Variants in LYRM4 observed in about 807,000 individuals in gnomAD.
The protein encoded by LYRM4 is LYR motif containing 4.
LYRM4 carries 9 observed loss-of-function variants against 11.7 expected under a neutral mutation model. The observed-to-expected ratio is 0.77, with a 90% CI of 0.46 to 1.34. The LOEUF is 1.34. LYRM4 is among the 40% of genes most tolerant of loss of function. LYRM4 has a pLI of 0.00. For missense variants in LYRM4, 133 were observed against 112.5 expected, an observed-to-expected ratio of 1.18 and a Z score of -0.82; for synonymous variants, 42 against 40.4, an observed-to-expected ratio of 1.04 and a Z score of -0.15.
the LYRM4 span, among the ~76,000 whole-genome samples, chr6:5,053,040 A>G: frequency 6.6e-6 from 1 of 152,252 alleles, no homozygotes; most frequent in Non-Finnish European, 1.5e-5. Context: ...TGTATAATAG[A>G]AAGAAAGGCA....
At chr6:5,097,247 A>G in the LYRM4 span, among the ~76,000 whole-genome samples, 2,184 of 151,730 alleles carry the variant, frequency 0.014, 57 homozygotes, top group African/African-American at 0.051. Flanking sequence ...TTAGAAAGCC[A>G]ACAGTCTAAT....
intron 1 of LYRM4, among the ~76,000 whole-genome samples, chr6:5,229,864 A>T (rs924635714): frequency 1.3e-5 from 2 of 152,228 alleles, no homozygotes; most frequent in Non-Finnish European, 2.9e-5. Context: ...CAGTCTCTAG[A>T]GGAAAAGTTT....
In LYRM4 at chr6:5,109,524, C is replaced by T. The variant is rs143735114; in HGVS notation, c.208-33G>A. The T allele has an allele frequency of 1.5e-5, 24 of 1,599,080 alleles. No individual in the cohort carries two copies. The East Asian group carries it at 1.8e-4, about 12-fold the overall frequency. On this transcript the variant is annotated intron_variant, in intron 2 of 2. Transcript: ENST00000330636. ...CAAAGAAAGGACACAGGTCAGGAAC[C>T]GTGGCCCTCTAGCCCCTGGGAAAGG...
At chr6:5,037,781 A>C in the LYRM4 span, among the ~76,000 whole-genome samples, 1 of 47,534 alleles carries the variant, frequency 2.1e-5, no homozygotes, top group African/African-American at 5.6e-5. Flanking sequence ...GGCGCCCCTC[A>C]CCTCCCGGAC....
the LYRM4 span, among the ~76,000 whole-genome samples, chr6:5,057,259 G>A: frequency 3.9e-5 from 6 of 152,178 alleles, no homozygotes; most frequent in Admixed American, 2.6e-4. Context: ...CTCCTAGCCT[G>A]CTGTCATTGC....
chr6:5,228,451 A>G (rs1464028115), intron 1 of LYRM4, among the ~76,000 whole-genome samples: 1 of 151,828 alleles, frequency 6.6e-6, no homozygotes, highest in African/African-American at 2.4e-5. Flanking sequence ...TAATTTTTGT[A>G]TATCTTAGTA....
chr6:5,253,707 GA>G, intron 1 of LYRM4, among the ~76,000 whole-genome samples: 1 of 152,102 alleles, frequency 6.6e-6, no homozygotes, highest in East Asian at 1.9e-4. Flanking sequence ...AGCAATCATG[GA>G]AACTGATCCT....
chr6:5,255,906 A>AT (rs1312532318), intron 1 of LYRM4, among the ~76,000 whole-genome samples: 1 of 152,208 alleles, frequency 6.6e-6, no homozygotes, highest in African/African-American at 2.4e-5. Flanking sequence ...GTATTCCTAG[A>AT]TAATTCATCT....
chr6:5,090,266 A>C, the LYRM4 span, among the ~76,000 whole-genome samples: 1 of 152,200 alleles, frequency 6.6e-6, no homozygotes, highest in Non-Finnish European at 1.5e-5. This position sits in a 1 kb window ranked among gnomAD's most constrained non-coding sequence, Gnocchi z 4.8. Context: ...GTGTCCATGG[A>C]TCACTGGGTG....
chr6:5,195,720 A>T (rs1761013604), intron 2 of LYRM4, among the ~76,000 whole-genome samples: 1 of 152,122 alleles, frequency 6.6e-6, no homozygotes, highest in Non-Finnish European at 1.5e-5. Flanking sequence ...ATCTTCAATG[A>T]CAGGAAAAGG....
chr6:5,235,860 G>GA (rs1429741345), intron 1 of LYRM4, among the ~76,000 whole-genome samples: 3 of 152,168 alleles, frequency 2.0e-5, no homozygotes, highest in African/African-American at 7.2e-5. Context: ...ACTGCCACTG[G>GA]AAAAAGTGTG....
At chr6:5,161,940 T>C (rs1758782510) in intron 2 of LYRM4, among the ~76,000 whole-genome samples, 1 of 152,192 alleles carries the variant, frequency 6.6e-6, no homozygotes, top group Non-Finnish European at 1.5e-5. Flanking sequence ...TCTATCTCTT[T>C]AGGAAATCTG....
chr6:5,140,976 T>C (rs1382964113), intron 2 of LYRM4, among the ~76,000 whole-genome samples: 2 of 152,248 alleles, frequency 1.3e-5, no homozygotes, highest in Admixed American at 1.3e-4. Flanking sequence ...TGTTTCTCTC[T>C]GTAGAAATCA....
chr6:5,071,542 A>ATATATG, the LYRM4 span, among the ~76,000 whole-genome samples: 11 of 150,202 alleles, frequency 7.3e-5, no homozygotes, highest in African/African-American at 2.5e-4. Flanking sequence ...TTATATATAT[A>ATATATG]TGTGTGTGTG....
At chr6:5,200,783 C>CAG (rs1554138177) in intron 2 of LYRM4, among the ~76,000 whole-genome samples, 1 of 152,198 alleles carries the variant, frequency 6.6e-6, no homozygotes, top group Non-Finnish European at 1.5e-5. Context: ...CTCCCACACT[C>CAG]AGAGATTCAA....
intron 1 of LYRM4, among the ~76,000 whole-genome samples, chr6:5,256,008 T>C (rs1219886774): frequency 1.3e-5 from 2 of 151,992 alleles, no homozygotes; most frequent in African/African-American, 4.8e-5. Context: ...TTGATGTGTA[T>C]TAACTCACCA....
At chr6:5,077,632 G>T in the LYRM4 span, among the ~76,000 whole-genome samples, 1 of 152,192 alleles carries the variant, frequency 6.6e-6, no homozygotes, top group Non-Finnish European at 1.5e-5. Context: ...AGGGGTGTAA[G>T]ATCTACCTGA....
intron 2 of LYRM4, among the ~76,000 whole-genome samples, chr6:5,158,477 T>TG (rs1330506280): frequency 1.3e-4 from 20 of 151,050 alleles, no homozygotes; most frequent in African/African-American, 4.9e-4. Flanking sequence ...CTCCACGTTT[T>TG]TTTTTTTTTT....
the LYRM4 span, chr6:5,066,851 C>G: frequency 1.2e-6 from 1 of 841,230 alleles, no homozygotes; most frequent in Non-Finnish European, 2.0e-6. Flanking sequence ...AGGAGTCAGA[C>G]AGGCCACGGC....
Sources: gnomAD v4.1 joint callset for allele counts (sites outside exome capture counted in the v4.1 genomes callset) on GRCh38, gnomAD v4.1.1 for gene constraint, Gnocchi (gnomAD v3.1) non-coding constraint, MANE v1.5 for transcripts, NCBI Gene and HGNC (gene_info 2026-07-23, HGNC 2026-07-21) for gene names.